The following TRPM2 variants were observed in gnomAD, a reference collection of about 807,000 sequenced individuals.
The protein encoded by TRPM2 is estrogen-responsive element-associated gene 1 protein.
Under a neutral mutation model 174.0 loss-of-function variants are expected in TRPM2, and 161 were observed. The observed-to-expected ratio is 0.93, with a 90% CI of 0.81 to 1.05. The LOEUF (loss-of-function observed/expected upper bound fraction) is 1.05, where lower values mean the gene tolerates loss of function less well. Among genes scored for constraint, TRPM2 ranks in the 50% least tolerant of loss-of-function variants. The probability of loss-of-function intolerance (pLI) is 0.00; values close to 1 mark genes in which losing one functional copy is unlikely to be tolerated. For missense variants in TRPM2, 2,057 were observed against 2,038.0 expected (o/e 1.01, Z -0.18); for synonymous variants, 954 against 861.3 (o/e 1.11, Z -1.88).
rs904308944 is a variant in TRPM2, at chr21:44,439,205, T to C, written c.4269+37T>C. 7.0e-6 allele frequency: 11 copies of C among 1,578,446 alleles called. No homozygotes were observed. Among genetic ancestry groups the C allele is most frequent in the Non-Finnish European group, 9.6e-6 (11 of 1,149,288 alleles). ...CTGTTTGCTCTGTTCCACCTGTGTGTCCCCAGGGCTGCAGGACAAACACAG... is the reference window on the plus strand; with the variant it reads ...CTGTTTGCTCTGTTCCACCTGTGTGCCCCCAGGGCTGCAGGACAAACACAG... On this transcript the variant is annotated intron_variant, in intron 30 of 31. Coordinates refer to ENST00000397928, the MANE Select transcript of TRPM2 (RefSeq NM_003307.4). This position sits in a 1 kb window ranked among gnomAD's most constrained non-coding sequence, Gnocchi z 5.1.
chr21:44,362,668 C>T (rs1369979285), intron 2 of TRPM2, among the ~76,000 whole-genome samples: 1 of 152,142 alleles, frequency 6.6e-6, no homozygotes. Context: ...TGTTTCCTTT[C>T]TGTTTAGAGA....
At chr21:44,373,264 G>A (rs548754183) in intron 5 of TRPM2, among the ~76,000 whole-genome samples, 22 of 151,988 alleles carry the variant, frequency 1.4e-4, no homozygotes, top group Admixed American at 3.9e-4. Flanking sequence ...TCAGCTCACT[G>A]CAACCTCCGC....
intron 22 of TRPM2, 151 bp from the exon 23 acceptor site, chr21:44,423,494 T>G: frequency 1.5e-6 from 1 of 675,302 alleles, no homozygotes; most frequent in South Asian, 1.7e-5. Context: ...ATGGGAGAAA[T>G]GCATGTTAGA....
intron 19 of TRPM2, among the ~76,000 whole-genome samples, chr21:44,408,141 T>G (rs2049969335): frequency 6.6e-6 from 1 of 151,968 alleles, no homozygotes; most frequent in African/African-American, 2.4e-5. Flanking sequence ...GAGATGGGGT[T>G]TCACCATGTT....
chr21:44,387,770 A>T (rs1477771700), intron 9 of TRPM2, among the ~76,000 whole-genome samples: 1 of 152,228 alleles, frequency 6.6e-6, no homozygotes, highest in East Asian at 1.9e-4. Flanking sequence ...AGTCGTACAA[A>T]TGGCCAATAA....
At chr21:44,353,168 G>T (rs2047955077), upstream of TRPM2, 1 of 152,240 alleles carries the variant, frequency 6.6e-6, no homozygotes, top group African/African-American at 2.4e-5. Context: ...AAAACAAGAA[G>T]AAAAAGAAAC....
chr21:44,437,277 GCCCC>G, intron 29 of TRPM2, 110 bp downstream of exon 29: 1 of 1,049,962 alleles, frequency 9.5e-7, no homozygotes, highest in Non-Finnish European at 1.4e-6. Context: ...GCCCCCTGCA[GCCCC>G]TGGGCAGGGA....
At chr21:44,392,473 C>T (rs2049213460) in intron 11 of TRPM2, among the ~76,000 whole-genome samples, 2 of 151,482 alleles carry the variant, frequency 1.3e-5, no homozygotes, top group South Asian at 2.1e-4. Context: ...ATTATATGGC[C>T]CAGGCTGGTC....
chr21:44,407,959 G>A (rs367645542), intron 19 of TRPM2, among the ~76,000 whole-genome samples: 17 of 149,284 alleles, frequency 1.1e-4, no homozygotes, highest in South Asian at 4.3e-4. Flanking sequence ...AGGGAGTCTC[G>A]CTCTGTTTTC....
Position 44,378,892 on chromosome 21 carries a change from G to A in TRPM2, c.1015-105G>A. On this transcript the variant is annotated intron_variant, in intron 7 of 31. Coordinates refer to ENST00000397928, the MANE Select transcript of TRPM2 (RefSeq NM_003307.4). ...TGCTTTCAGTGGATCTCGGAGTAGT[G>A]TTAGCCAGCTCTGCCCTTAGCTGGC... 4 of 1,259,432 alleles carry A rather than the reference G, an allele frequency of 3.2e-6. No individual in the cohort carries two copies. The South Asian group carries it at 4.0e-5, about 13-fold the overall frequency. The allele number at this position is 1,259,432 out of a possible 1,614,324, so 78.0% of individuals were successfully genotyped here.
chr21:44,428,799 G>A (rs1234750383), intron 27 of TRPM2, among the ~76,000 whole-genome samples: 1 of 149,658 alleles, frequency 6.7e-6, no homozygotes, highest in African/African-American at 2.5e-5. Flanking sequence ...CTTCCCTGAG[G>A]TCTGGCTCCT....
At chr21:44,375,805 A>G (rs1232017585) in intron 5 of TRPM2, 28 bp from the exon 6 acceptor site, 18 of 1,591,728 alleles carry the variant, frequency 1.1e-5, no homozygotes, top group Non-Finnish European at 1.4e-5. Context: ...TTCCAGAAGC[A>G]GTGTCTGACG....
At chr21:44,437,574 G>A (rs2051326333) in intron 29 of TRPM2, among the ~76,000 whole-genome samples, 1 of 152,122 alleles carries the variant, frequency 6.6e-6, no homozygotes, top group East Asian at 1.9e-4. Context: ...ATAGGACGGT[G>A]TCATCCAGGG....
In TRPM2 at chr21:44,439,046, C is replaced by A. The variant is rs761193094; in HGVS notation, c.4168-21C>A. 6.2e-7 allele frequency: 1 copy of A among 1,606,008 alleles called. No homozygotes were observed. Among genetic ancestry groups the A allele is most frequent in the African/African-American group, 1.3e-5 (1 of 74,900 alleles). ...CCGCTTCGGTGCCCTGTTGACCTGC[C>A]TCCGTCCTCTGTCTGTCCAGGGCTC... On this transcript the variant is annotated intron_variant, in intron 29 of 31. Transcript: ENST00000397928. This position sits in a 1 kb window ranked among gnomAD's most constrained non-coding sequence, Gnocchi z 5.1.
At chr21:44,412,790 A>G (rs1447429838) in intron 19 of TRPM2, among the ~76,000 whole-genome samples, 1 of 151,848 alleles carries the variant, frequency 6.6e-6, no homozygotes, top group Non-Finnish European at 1.5e-5. Flanking sequence ...TTCTTTTTCT[A>G]GTTTACTACA....
chr21:44,351,653 C>T (rs2122997248), upstream of TRPM2, among the ~76,000 whole-genome samples: 8 of 152,292 alleles, frequency 5.3e-5, no homozygotes, highest in African/African-American at 1.4e-4. Flanking sequence ...CTTGGAAGGT[C>T]GTTGCCAGGC....
upstream of TRPM2, among the ~76,000 whole-genome samples, chr21:44,352,770 C>T (rs1456592537): frequency 6.6e-6 from 1 of 152,202 alleles, no homozygotes; most frequent in Non-Finnish European, 1.5e-5. Flanking sequence ...ATGAAGGCCA[C>T]ATCAGAGCCA....
chr21:44,405,002 G>C, intron 16 of TRPM2, 140 bp from the exon 17 acceptor site: 2 of 762,410 alleles, frequency 2.6e-6, no homozygotes, highest in Non-Finnish European at 2.3e-6. Context: ...GTGACAGCAA[G>C]GGTAGTGATG....
intron 25 of TRPM2, among the ~76,000 whole-genome samples, chr21:44,426,057 A>T (rs2050758958): frequency 6.6e-6 from 1 of 152,136 alleles, no homozygotes; most frequent in Non-Finnish European, 1.5e-5. Flanking sequence ...AGGGGGGCAC[A>T]CTGATCCCCA....
Sources: gnomAD v4.1 joint callset for allele counts (sites outside exome capture counted in the v4.1 genomes callset) on GRCh38, gnomAD v4.1.1 for gene constraint, Gnocchi (gnomAD v3.1) non-coding constraint, MANE v1.5 for transcripts, NCBI Gene and HGNC (gene_info 2026-07-23, HGNC 2026-07-21) for gene names.